Variants in MYLK observed in about 807,000 individuals in gnomAD.
The protein encoded by MYLK is myosin light chain kinase, also known as myosin light chain kinase, smooth muscle.
In MYLK, 106 loss-of-function variants were observed where a neutral mutation model predicts 203.4. The observed-to-expected ratio is 0.52, with a 90% CI of 0.45 to 0.61. MYLK has a LOEUF of 0.61. MYLK is among the 20% of genes least tolerant of loss of function. The pLI, the probability that MYLK is intolerant of heterozygous loss-of-function variation, is 0.00. For synonymous variants in MYLK, 867 were observed against 959.5 expected (o/e 0.90, Z 1.78); for missense variants, 2,072 against 2,442.3 (o/e 0.85, Z 3.20).
intron 2 of MYLK, among the ~76,000 whole-genome samples, chr3:123,858,485 T>A (rs1475036969): frequency 6.6e-6 from 1 of 152,094 alleles, no homozygotes; most frequent in Non-Finnish European, 1.5e-5. Flanking sequence ...AAGTACAAGG[T>A]CGAGAGGCTA....
intron 4 of MYLK, among the ~76,000 whole-genome samples, chr3:123,785,500 A>G (rs1239060907): frequency 6.6e-6 from 1 of 152,262 alleles, no homozygotes; most frequent in East Asian, 1.9e-4. Flanking sequence ...AGCATTCTAC[A>G]ATGAAGATGA....
chr3:123,716,090 A>G (rs1194522911), intron 13 of MYLK: 1 of 152,368 alleles, frequency 6.6e-6, no homozygotes. Flanking sequence ...AGGGGGCACC[A>G]TGGAAGCACA....
intron 1 of MYLK, among the ~76,000 whole-genome samples, chr3:123,881,773 C>A (rs1365450265): frequency 1.3e-5 from 2 of 152,114 alleles, no homozygotes; most frequent in Admixed American, 6.5e-5. Context: ...TATGGTGACC[C>A]CAGCGCATTC....
chr3:123,818,717 G>A (rs1374527599), intron 3 of MYLK, among the ~76,000 whole-genome samples: 6 of 152,034 alleles, frequency 3.9e-5, no homozygotes, highest in Middle Eastern at 6.3e-3. Context: ...CCCACAACTC[G>A]CAACCACACA....
At chr3:123,740,648 T>C (rs1488697767) in intron 5 of MYLK, among the ~76,000 whole-genome samples, 1 of 151,810 alleles carries the variant, frequency 6.6e-6, no homozygotes, top group Non-Finnish European at 1.5e-5. Flanking sequence ...AAGGTGCTGC[T>C]ATGCTGGACA....
Position 123,760,533 on chromosome 3 carries a change from T to C in MYLK, c.166-7995A>G, listed in dbSNP as rs184671451. The stretch of plus-strand genomic sequence containing the variant: ...TGTACAATACCACATTAATAGATTC[T>C]AAAGGTTAGACTTTTCCTCTCTTCT... On this transcript the variant is annotated intron_variant, in intron 4 of 33. Coordinates refer to ENST00000360304, the MANE Select transcript of MYLK (RefSeq NM_053025.4). Among the ~76,000 whole-genome samples, 6 of 152,318 alleles carry C rather than the reference T, an allele frequency of 3.9e-5. 1 individual carries two copies. In the East Asian group the frequency reaches 1.2e-3, roughly 29 times the overall value.
In MYLK at chr3:123,613,924, T is replaced by C; in HGVS notation, c.*181A>G. 1.5e-6 allele frequency: 1 copy of C among 680,290 alleles called. No individual in the cohort carries two copies. Among genetic ancestry groups the C allele is most frequent in the Non-Finnish European group, 2.5e-6 (1 of 397,530 alleles). The allele number at this position is 680,290 out of a possible 1,614,324, so 42.1% of individuals were successfully genotyped here. A position where few individuals can be genotyped will look rare whatever the true frequency, so the allele number is the denominator to read the frequency against. The stretch of plus-strand genomic sequence containing the variant: ...TAAGGTGCCAACTAACATAGATTAA[T>C]GCCCATCAATAACGCTGCTAGGTAT... On this transcript the variant is annotated 3_prime_UTR_variant, in exon 34 of 34. Coordinates refer to ENST00000360304, the MANE Select transcript of MYLK (RefSeq NM_053025.4).
In MYLK at chr3:123,707,096, T is replaced by C. The variant is rs552973601; in HGVS notation, c.2390+658A>G. Among the ~76,000 whole-genome samples the C allele has an allele frequency of 1.6e-4, 25 of 152,272 alleles. 1 individual carries two copies. The South Asian group carries it at 5.2e-3, about 32-fold the overall frequency. ...GATCACTAGCTCTGGGGAAGCCAGC[T>C]GCCATGCTAAAAAAGACACTCAAGC... is the stretch of plus-strand genomic sequence containing the variant. On this transcript the variant is annotated intron_variant, in intron 16 of 33. Transcript: ENST00000360304.
At chr3:123,864,460 A>G (rs989646636) in intron 2 of MYLK, among the ~76,000 whole-genome samples, 2 of 152,248 alleles carry the variant, frequency 1.3e-5, no homozygotes, top group African/African-American at 4.8e-5. Context: ...ACATATCACA[A>G]AAACAAGATG....
chr3:123,813,701 G>A (rs912139109), intron 3 of MYLK, among the ~76,000 whole-genome samples: 1 of 152,052 alleles, frequency 6.6e-6, no homozygotes, highest in Non-Finnish European at 1.5e-5. Context: ...AGTAGAGACG[G>A]GGTTTCACCA....
chr3:123,818,514 C>T (rs2065820423), intron 3 of MYLK, among the ~76,000 whole-genome samples: 1 of 152,034 alleles, frequency 6.6e-6, no homozygotes, highest in Admixed American at 6.5e-5. Flanking sequence ...ACACGGCAAA[C>T]CACAACTCTA....
chr3:123,718,438 A>G (rs1268976448), intron 13 of MYLK, among the ~76,000 whole-genome samples: 1 of 152,202 alleles, frequency 6.6e-6, no homozygotes, highest in Non-Finnish European at 1.5e-5. Flanking sequence ...TTCACGGAGT[A>G]AATTGTTTTC....
At chr3:123,842,859 T>G (rs559596610) in intron 2 of MYLK, among the ~76,000 whole-genome samples, 1 of 152,370 alleles carries the variant, frequency 6.6e-6, no homozygotes, top group African/African-American at 2.4e-5. Context: ...TGCTTACATT[T>G]CTAGCGTCAC....
chr3:123,840,623 A>G (rs772177582), intron 2 of MYLK, among the ~76,000 whole-genome samples: 1 of 151,884 alleles, frequency 6.6e-6, no homozygotes, highest in Non-Finnish European at 1.5e-5. Context: ...CCATGGAACA[A>G]TATTCTTCAT....
In MYLK at chr3:123,788,389, C is replaced by CT. The variant is rs530318833; in HGVS notation, c.165+5287dup. 3.9e-3 allele frequency among the ~76,000 whole-genome samples: 563 copies of CT among 143,160 alleles called. 2 individuals carry two copies. The highest frequency in any genetic ancestry group is 0.018 in the Middle Eastern group (5 of 282). 93.9% of individuals were successfully genotyped at this position (143,160 alleles called of 152,430 possible). Reference sequence around the variant, plus strand: ...TCTTTTTTTTTTTGATTTGTTATTTCTTTTTTTTTTTAATTATACTTTAAG... The same window carrying CT: ...TCTTTTTTTTTTTGATTTGTTATTTCTTTTTTTTTTTTAATTATACTTTAAG... On this transcript the variant is annotated intron_variant, in intron 4 of 33. Transcript: ENST00000360304.
rs146731459 is a variant in MYLK at position 123,751,548 on chromosome 3, C to T, written c.373+783G>A. 5.5e-4 allele frequency among the ~76,000 whole-genome samples: 84 copies of T among 152,192 alleles called. No individual in the cohort carries two copies. In the East Asian group the frequency reaches 8.9e-3, roughly 16 times the overall value. ...ATGAGCATGTATTATTTCATAATGACGCTAAAGATGATGTTAATGAGGATA... is the reference window on the plus strand; with the variant it reads ...ATGAGCATGTATTATTTCATAATGATGCTAAAGATGATGTTAATGAGGATA... On this transcript the variant is annotated intron_variant, in intron 5 of 33. Coordinates refer to ENST00000360304, the MANE Select transcript of MYLK (RefSeq NM_053025.4).
intron 3 of MYLK, among the ~76,000 whole-genome samples, chr3:123,826,886 C>T (rs1325233360): frequency 6.6e-6 from 1 of 152,122 alleles, no homozygotes; most frequent in African/African-American, 2.4e-5. Flanking sequence ...ATGCACCCCA[C>T]TGAACCGACA....
rs370979375 is a variant in MYLK, at chr3:123,682,292, T to C, written c.3584A>G (p.Asn1195Ser). 2.5e-6 allele frequency: 4 copies of C among 1,602,656 alleles called. No individual in the cohort carries two copies. The African/African-American group carries it at 5.3e-5, about 21-fold the overall frequency. The part of the protein sequence containing the change: ...VTVDDAPASE[N>S]TKAPEMKSRR... ...GGATTTCATCTCTGGGGCCTTGGTG[T>C]TCTCACTGGCTGGAGCATCTGGAAT... The change falls in exon 20 of 34, where the codon AAC becomes AGC. Residue 1195 changes from asparagine to serine, a missense_variant. Coordinates refer to ENST00000360304, the MANE Select transcript of MYLK (RefSeq NM_053025.4).
intron 11 of MYLK, among the ~76,000 whole-genome samples, chr3:123,728,550 C>T (rs1259288940): frequency 6.6e-6 from 1 of 151,518 alleles, no homozygotes; most frequent in African/African-American, 2.4e-5. Context: ...CCCCAAACAA[C>T]AATACCCTGC....
Sources: allele counts gnomAD v4.1 joint callset (sites outside exome capture counted in the v4.1 genomes callset), GRCh38; gene constraint gnomAD v4.1.1; transcripts MANE v1.5; gene names NCBI Gene and HGNC (gene_info 2026-07-23, HGNC 2026-07-21).